The following IFT80 variants were observed in gnomAD, a reference collection of about 807,000 sequenced individuals.
IFT80 encodes the protein intraflagellar transport protein 80 homolog.
In IFT80, 79 loss-of-function variants were observed where a neutral mutation model predicts 107.9. That is an observed-to-expected ratio of 0.73 (90% CI 0.61 to 0.88). The LOEUF (loss-of-function observed/expected upper bound fraction) is 0.88, where lower values mean the gene tolerates loss of function less well. Ranked by LOEUF, IFT80 falls within the 40% of genes least tolerant of loss-of-function variation. The pLI, the probability that IFT80 is intolerant of heterozygous loss-of-function variation, is 0.00. For synonymous variants in IFT80, 299 were observed against 300.9 expected, an observed-to-expected ratio of 0.99 and a Z score of 0.07; for missense variants, 797 against 914.2, an observed-to-expected ratio of 0.87 and a Z score of 1.65.
intron 8 of IFT80, among the ~76,000 whole-genome samples, chr3:160,330,157 CATT>C (rs1298333254): frequency 6.6e-6 from 1 of 152,166 alleles, no homozygotes; most frequent in Non-Finnish European, 1.5e-5. Flanking sequence ...GCTAGCTGCA[CATT>C]ATTATTATCT....
chr3:160,383,698 T>A (rs1055683027), intron 2 of IFT80: 3 of 985,282 alleles, frequency 3.0e-6, no homozygotes, highest in African/African-American at 1.7e-5. Context: ...TTAGTCTAAA[T>A]GTCTAAGAAT....
intron 9 of IFT80, among the ~76,000 whole-genome samples, chr3:160,308,139 T>A (rs2108277753): frequency 6.6e-6 from 1 of 152,312 alleles, no homozygotes; most frequent in South Asian, 2.1e-4. Context: ...ATGTGATTTC[T>A]GCCCAAAATG....
intron 8 of IFT80, among the ~76,000 whole-genome samples, chr3:160,348,179 G>T (rs1364362889): frequency 6.7e-6 from 1 of 149,712 alleles, no homozygotes; most frequent in Non-Finnish European, 1.5e-5. Context: ...TGTTTTTATT[G>T]GCCATTTACA....
chr3:160,272,907 G>A (rs998669246), intron 18 of IFT80, among the ~76,000 whole-genome samples: 1 of 152,126 alleles, frequency 6.6e-6, no homozygotes, highest in Non-Finnish European at 1.5e-5. Context: ...TTCAATGTGG[G>A]CCTTCCCTGC....
chr3:160,305,138 T>A (rs554758782), intron 10 of IFT80, among the ~76,000 whole-genome samples: 7 of 152,252 alleles, frequency 4.6e-5, no homozygotes, highest in African/African-American at 1.7e-4. Flanking sequence ...TGTTCCACAG[T>A]TTAAAATAAG....
At chr3:160,268,689 C>T in intron 18 of IFT80, 153 bp from the exon 19 acceptor site, 1 of 709,202 alleles carries the variant, frequency 1.4e-6, no homozygotes, top group South Asian at 1.7e-5. Context: ...CTTGCAAATT[C>T]CTACTTATAT....
rs554479550 is a variant in IFT80, at chr3:160,284,316, CTCCTT to C, written c.1380+1483_1380+1487del. Among the ~76,000 whole-genome samples the C allele has an allele frequency of 2.3e-3, 353 of 152,208 alleles. 3 individuals carry two copies. Among genetic ancestry groups the C allele is most frequent in the African/African-American group, 7.8e-3 (325 of 41,538 alleles). On this transcript the variant is annotated intron_variant, in intron 13 of 19. Transcript: ENST00000326448. ...AAATATTTAAGCTTATTAATTGACTCTCCTTTCAATCCTACTAACAAAAATGACTG... is the reference window on the plus strand; with the variant it reads ...AAATATTTAAGCTTATTAATTGACTCTCAATCCTACTAACAAAAATGACTG...
intron 12 of IFT80, among the ~76,000 whole-genome samples, chr3:160,292,051 C>T (rs901650127): frequency 1.3e-5 from 2 of 152,138 alleles, no homozygotes; most frequent in African/African-American, 2.4e-5. Context: ...GGGCAGATTC[C>T]CTCAGAGGAA....
At chr3:160,322,643 G>T (rs1219098310) in intron 8 of IFT80, among the ~76,000 whole-genome samples, 1 of 152,020 alleles carries the variant, frequency 6.6e-6, no homozygotes, top group Non-Finnish European at 1.5e-5. Flanking sequence ...CTAGTTTACA[G>T]TCCCACCAAC....
chr3:160,345,010 A>G (rs896555592), intron 8 of IFT80, among the ~76,000 whole-genome samples: 1 of 152,148 alleles, frequency 6.6e-6, no homozygotes, highest in African/African-American at 2.4e-5. Context: ...AATTTGTACA[A>G]CCACTCTGGA....
At chr3:160,321,007 C>A (rs2108299663) in intron 8 of IFT80, among the ~76,000 whole-genome samples, 1 of 152,062 alleles carries the variant, frequency 6.6e-6, no homozygotes. Flanking sequence ...CACCCTCCAA[C>A]TTTGGAGCCA....
In IFT80 at chr3:160,303,936, C is replaced by CT; in HGVS notation, c.1129dup (p.Ser377LysfsTer16). ...TTACCTTTCTGCCTGCAGAATCAAACTAACAGTTCCTTCTTTGAGATCAAA... is the reference window on the plus strand; with the variant it reads ...TTACCTTTCTGCCTGCAGAATCAAACTTAACAGTTCCTTCTTTGAGATCAAA... On this transcript the variant is annotated frameshift_variant, in exon 11 of 20. Coordinates refer to ENST00000326448, the MANE Select transcript of IFT80 (RefSeq NM_020800.3). LOFTEE classifies it high-confidence loss of function. 1 of 1,610,896 alleles carries CT rather than the reference C, an allele frequency of 6.2e-7. No homozygotes were observed. Among genetic ancestry groups the CT allele is most frequent in the Non-Finnish European group, 8.5e-7 (1 of 1,177,326 alleles).
At chr3:160,393,900 T>C (rs1203914340) in intron 1 of IFT80, among the ~76,000 whole-genome samples, 2 of 152,196 alleles carry the variant, frequency 1.3e-5, no homozygotes, top group African/African-American at 2.4e-5. Context: ...GAGTTTTCTT[T>C]GGGTCACTTG....
chr3:160,328,724 T>A (rs1392030735), intron 8 of IFT80, among the ~76,000 whole-genome samples: 1 of 151,898 alleles, frequency 6.6e-6, no homozygotes, highest in African/African-American at 2.4e-5. Flanking sequence ...AACAAAGACA[T>A]GGAATCAACC....
intron 7 of IFT80, among the ~76,000 whole-genome samples, chr3:160,356,979 A>G (rs6798183): frequency 0.39 from 59,534 of 152,114 alleles, 12,727 homozygotes; most frequent in Non-Finnish European, 0.49. Flanking sequence ...ATCAATATTT[A>G]GTAAACCAGC....
chr3:160,319,815 T>C lies in IFT80; in HGVS notation c.902A>G (p.Gln301Arg). The C allele has an allele frequency of 1.9e-6, 3 of 1,613,112 alleles. No individual in the cohort carries two copies. The highest frequency in any genetic ancestry group is 2.5e-6 in the Non-Finnish European group (3 of 1,179,284). Residue 301 changes from glutamine to arginine, a missense_variant, in exon 9 of 20, where the codon CAA (glutamine) becomes CGA (arginine). Gln to Arg is a conservative substitution (Grantham distance 43). Transcript: ENST00000326448. ...TTGAAAATTTTTCCACTCCCAATGTTGTTCCACCACATGTGCAAAAACGAC... is the reference window on the plus strand; with the variant it reads ...TTGAAAATTTTTCCACTCCCAATGTCGTTCCACCACATGTGCAAAAACGAC... ...GHVVFAHVVE[Q>R]HWEWKNFQVT...
chr3:160,374,326 T>C (rs1484196664), intron 5 of IFT80, among the ~76,000 whole-genome samples: 1 of 151,112 alleles, frequency 6.6e-6, no homozygotes, highest in African/African-American at 2.4e-5. Context: ...GCAAGATCGA[T>C]TGAGTCCAGG....
intron 5 of IFT80, among the ~76,000 whole-genome samples, chr3:160,373,284 A>G (rs924755210): frequency 1.6e-4 from 24 of 152,146 alleles, no homozygotes; most frequent in Admixed American, 1.6e-3. Flanking sequence ...TCTATTTGTG[A>G]TCTCCAATTC....
At chr3:160,288,494 CTAAT>C (rs1361078782) in intron 12 of IFT80, among the ~76,000 whole-genome samples, 1 of 152,168 alleles carries the variant, frequency 6.6e-6, no homozygotes, top group Non-Finnish European at 1.5e-5. Context: ...CAAATAGAAT[CTAAT>C]TAAACTTAAG....
Sources: allele counts gnomAD v4.1 joint callset (sites outside exome capture counted in the v4.1 genomes callset), GRCh38; gene constraint gnomAD v4.1.1; transcripts MANE v1.5; gene names NCBI Gene and HGNC (gene_info 2026-07-23, HGNC 2026-07-21).